RIMBP2: variants seen among roughly 807,000 people sequenced by gnomAD.
RIMBP2 encodes the protein RIMS-binding protein 2.
Under a neutral mutation model 118.6 loss-of-function variants are expected in RIMBP2, and 48 were observed. The ratio of observed to expected loss-of-function variants is 0.40; its 90% CI spans 0.32 to 0.51. The LOEUF is 0.51. Ranked by LOEUF, RIMBP2 falls within the 20% of genes least tolerant of loss-of-function variation. The pLI is 0.41. For missense variants in RIMBP2, 1,551 were observed against 1,768.3 expected (o/e 0.88, Z 2.20); for synonymous variants, 762 against 742.9 (o/e 1.03, Z -0.42).
chr12:130,463,265 A>C (rs1442369993), intron 6 of RIMBP2, among the ~76,000 whole-genome samples: 1 of 152,138 alleles, frequency 6.6e-6, no homozygotes, highest in Non-Finnish European at 1.5e-5. Flanking sequence ...GGCTGCAGGG[A>C]TGCAGGGACA....
intron 1 of RIMBP2, among the ~76,000 whole-genome samples, chr12:130,675,815 C>T (rs571618319): frequency 5.3e-5 from 8 of 152,230 alleles, no homozygotes; most frequent in African/African-American, 1.4e-4. Flanking sequence ...AAATCCCACT[C>T]GGGTATTTAC....
At chr12:130,701,950 G>A (rs1056097518) in intron 1 of RIMBP2, among the ~76,000 whole-genome samples, 7 of 152,030 alleles carry the variant, frequency 4.6e-5, no homozygotes, top group Non-Finnish European at 1.0e-4. Flanking sequence ...TCTAGGGAAG[G>A]GACTGCAGGC....
chr12:130,611,013 C>T (rs1467393539), intron 2 of RIMBP2, among the ~76,000 whole-genome samples: 1 of 152,164 alleles, frequency 6.6e-6, no homozygotes, highest in Non-Finnish European at 1.5e-5. Context: ...GCATCAGCTC[C>T]CAGGTGACTT....
chr12:130,459,106 A>G (rs556190657), intron 6 of RIMBP2, among the ~76,000 whole-genome samples: 1 of 152,108 alleles, frequency 6.6e-6, no homozygotes, highest in South Asian at 2.1e-4. Flanking sequence ...TTGAAATGAT[A>G]AAATTATAGC....
chr12:130,648,603 AAT>A lies in RIMBP2; in HGVS notation c.-351-20149_-351-20148del, dbSNP rs1398542925. Among the ~76,000 whole-genome samples the A allele has an allele frequency of 9.6e-5, 14 of 145,656 alleles. 1 individual carries two copies. Among genetic ancestry groups the A allele is most frequent in the African/African-American group, 1.5e-4 (6 of 40,688 alleles). ...GTGCTTTAAAATTTTTTCTACAATA[AAT>A]ATATGTTACTCCATTAATCATAATC... is the stretch of plus-strand genomic sequence containing the variant. On this transcript the variant is annotated intron_variant, in intron 1 of 22. Transcript: ENST00000690449.
intron 19 of RIMBP2, among the ~76,000 whole-genome samples, chr12:130,408,159 C>T (rs761783140): frequency 2.6e-5 from 4 of 152,202 alleles, no homozygotes. Context: ...TTGGCCAGCA[C>T]GGGGAGGCCG....
Position 130,710,090 on chromosome 12 carries a change from T to C in RIMBP2, c.-352+6132A>G, listed in dbSNP as rs181195878. Reference sequence around the variant, plus strand: ...ACACCGAGGGTCTCCAGGAGAGGGGTTGGCTCTGCAGCCCCTGTGGTCCCA... The same window carrying C: ...ACACCGAGGGTCTCCAGGAGAGGGGCTGGCTCTGCAGCCCCTGTGGTCCCA... On this transcript the variant is annotated intron_variant, in intron 1 of 22. Coordinates refer to ENST00000690449, the MANE Select transcript of RIMBP2 (RefSeq NM_001393629.1). The surrounding 1 kb of genome is among the most constrained non-coding windows in gnomAD (Gnocchi z 4.3). 5.2e-4 allele frequency among the ~76,000 whole-genome samples: 79 copies of C among 152,152 alleles called. No homozygotes were observed. Among genetic ancestry groups the C allele is most frequent in the South Asian group, 1.2e-3 (6 of 4,814 alleles).
At chr12:130,638,938 G>A (rs936040996) in intron 1 of RIMBP2, among the ~76,000 whole-genome samples, 3 of 152,104 alleles carry the variant, frequency 2.0e-5, no homozygotes, top group Non-Finnish European at 4.4e-5. Flanking sequence ...GTAAACTATG[G>A]ACTCTAGTTA....
chr12:130,449,038 G>A (rs1055934736), intron 9 of RIMBP2, among the ~76,000 whole-genome samples: 1 of 150,502 alleles, frequency 6.6e-6, no homozygotes, highest in African/African-American at 2.4e-5. Flanking sequence ...CTGCACTGAA[G>A]CTTGGTCCCT....
At position 130,437,061 on chromosome 12, in the gene RIMBP2, G is replaced by C. The variant is rs148090124; in HGVS notation, c.1887C>G (p.Asp629Glu). 1.6e-5 allele frequency: 25 copies of C among 1,574,392 alleles called. No individual in the cohort carries two copies. Among genetic ancestry groups the C allele is most frequent in the Non-Finnish European group, 2.2e-5 (25 of 1,157,100 alleles). ...LASSGVPETK[D>E]EHLGPHARMD... ...TCCTGGCGTGGGGACCCAGGTGCTCGTCTTTGGTTTCGGGGACTCCAGAAC... is the reference window on the plus strand; with the variant it reads ...TCCTGGCGTGGGGACCCAGGTGCTCCTCTTTGGTTTCGGGGACTCCAGAAC... Residue 629 changes from aspartate to glutamate, a missense_variant, in exon 13 of 23, where the codon GAC (aspartate) becomes GAG (glutamate). Coordinates refer to ENST00000690449, the MANE Select transcript of RIMBP2 (RefSeq NM_001393629.1).
At chr12:130,646,046 T>A (rs144468536) in intron 1 of RIMBP2, among the ~76,000 whole-genome samples, 24,480 of 111,240 alleles carry the variant, frequency 0.22, 2,949 homozygotes, top group Middle Eastern at 0.3. Context: ...CAGTTCCCTC[T>A]CCACCTCCCT....
intron 2 of RIMBP2, among the ~76,000 whole-genome samples, chr12:130,546,791 TTTG>T (rs1316110790): frequency 6.6e-6 from 1 of 152,232 alleles, no homozygotes; most frequent in African/African-American, 2.4e-5. Context: ...TGTTTTTTAA[TTTG>T]TTATCTGCCA....
At chr12:130,505,244 A>T (rs1461865260) in intron 4 of RIMBP2, among the ~76,000 whole-genome samples, 1 of 152,106 alleles carries the variant, frequency 6.6e-6, no homozygotes, top group Non-Finnish European at 1.5e-5. Context: ...CAGGGCCGGT[A>T]GTCAGAGAAT....
At chr12:130,433,598 A>G (rs1479794390) in intron 14 of RIMBP2, among the ~76,000 whole-genome samples, 1 of 152,126 alleles carries the variant, frequency 6.6e-6, no homozygotes. Context: ...TAAGCCATTC[A>G]TTGGAAGCCA....
At chr12:130,618,849 G>T (rs1330845260) in intron 2 of RIMBP2, among the ~76,000 whole-genome samples, 1 of 152,176 alleles carries the variant, frequency 6.6e-6, no homozygotes, top group Non-Finnish European at 1.5e-5. Flanking sequence ...CAAGGATCTG[G>T]CTAATAGTGC....
intron 1 of RIMBP2, among the ~76,000 whole-genome samples, chr12:130,650,069 G>A (rs1295167545): frequency 6.6e-6 from 1 of 152,024 alleles, no homozygotes; most frequent in Non-Finnish European, 1.5e-5. Flanking sequence ...CCTCCAGTGT[G>A]GGGTGAACCC....
At chr12:130,705,621 C>G (rs1237198338) in intron 1 of RIMBP2, among the ~76,000 whole-genome samples, 1 of 152,246 alleles carries the variant, frequency 6.6e-6, no homozygotes, top group Non-Finnish European at 1.5e-5. Context: ...GCGGTTCTCA[C>G]GCCTCTCCTG....
chr12:130,593,421 T>C (rs1291852164), intron 2 of RIMBP2, among the ~76,000 whole-genome samples: 3 of 152,234 alleles, frequency 2.0e-5, no homozygotes, highest in Non-Finnish European at 4.4e-5. Flanking sequence ...AACCTACGAA[T>C]TGAGAGACCA....
intron 22 of RIMBP2, among the ~76,000 whole-genome samples, chr12:130,399,455 AGATT>A (rs1197218584): frequency 6.6e-6 from 1 of 152,172 alleles, no homozygotes; most frequent in Non-Finnish European, 1.5e-5. Flanking sequence ...GAGTAAAGGC[AGATT>A]GATTGATTAG....
Sources: gnomAD v4.1 joint callset for allele counts (sites outside exome capture counted in the v4.1 genomes callset) on GRCh38, gnomAD v4.1.1 for gene constraint, Gnocchi (gnomAD v3.1) non-coding constraint, MANE v1.5 for transcripts, NCBI Gene and HGNC (gene_info 2026-07-23, HGNC 2026-07-21) for gene names.